Variants in PSD3 observed in about 807,000 individuals in gnomAD.
PSD3 encodes the protein PH and SEC7 domain-containing protein 3.
PSD3 carries 49 observed loss-of-function variants against 105.5 expected under a neutral mutation model. The ratio of observed to expected loss-of-function variants is 0.46; its 90% CI spans 0.37 to 0.59. PSD3 has a LOEUF of 0.59. PSD3 is among the 20% of genes least tolerant of loss of function. PSD3 has a pLI of 0.00. For missense variants in PSD3, 1,561 were observed against 1,263.8 expected (o/e 1.24, Z -3.57); for synonymous variants, 557 against 457.8 (o/e 1.22, Z -2.77).
intron 1 of PSD3, among the ~76,000 whole-genome samples, chr8:19,061,713 G>A (rs913017126): frequency 6.6e-6 from 1 of 151,816 alleles, no homozygotes; most frequent in African/African-American, 2.4e-5. Context: ...TCTGAGGCAG[G>A]AGAATCGCTT....
At chr8:18,672,674 T>G (rs1251503488) in intron 9 of PSD3, among the ~76,000 whole-genome samples, 1 of 152,198 alleles carries the variant, frequency 6.6e-6, no homozygotes, top group Non-Finnish European at 1.5e-5. Context: ...ATAAGTTGCA[T>G]GGACAATCTC....
At chr8:18,561,841 C>A (rs377203779) in intron 14 of PSD3, among the ~76,000 whole-genome samples, 2 of 152,250 alleles carry the variant, frequency 1.3e-5, no homozygotes, top group East Asian at 3.9e-4. Context: ...GGCAACTTGG[C>A]TGTTGAAGAT....
chr8:18,608,685 C>G (rs914293672), intron 11 of PSD3, among the ~76,000 whole-genome samples: 2 of 152,156 alleles, frequency 1.3e-5, no homozygotes, highest in East Asian at 3.9e-4. Context: ...ACAGTATCAC[C>G]CCTCTTTCAT....
intron 2 of PSD3, among the ~76,000 whole-genome samples, chr8:18,879,420 A>C (rs1817973836): frequency 6.6e-6 from 1 of 152,138 alleles, no homozygotes; most frequent in African/African-American, 2.4e-5. Flanking sequence ...GGGGGAGACA[A>C]ATGTTCTGAG....
At chr8:18,557,454 A>T (rs1801149520) in intron 14 of PSD3, 1 of 154,198 alleles carries the variant, frequency 6.5e-6, no homozygotes, top group South Asian at 2.0e-4. Flanking sequence ...TGAGCGTCAC[A>T]TATAATATCT....
chr8:18,830,231 C>G (rs1368029218), intron 4 of PSD3, among the ~76,000 whole-genome samples: 4 of 152,136 alleles, frequency 2.6e-5, no homozygotes, highest in African/African-American at 7.2e-5. Flanking sequence ...TGTGAGCCAC[C>G]GCACCCAGCC....
chr8:18,583,914 C>T (rs937366333), intron 12 of PSD3, among the ~76,000 whole-genome samples: 1 of 152,154 alleles, frequency 6.6e-6, no homozygotes, highest in Non-Finnish European at 1.5e-5. Context: ...CTTATATATG[C>T]ACTCATTATT....
chr8:18,904,497 T>G (rs925611077), intron 2 of PSD3, among the ~76,000 whole-genome samples: 9 of 152,234 alleles, frequency 5.9e-5, no homozygotes, highest in African/African-American at 2.2e-4. Context: ...CTTCAAGGTT[T>G]AATGTCTTCC....
In PSD3 at chr8:18,977,336, G is replaced by C. The variant is rs369650421; in HGVS notation, c.21+36227C>G. The stretch of plus-strand genomic sequence containing the variant: ...ATTTCCTACTAGCTGTATGGCTTTG[G>C]GAATTAAACACTTAGCCTCAGTATC... On this transcript the variant is annotated intron_variant, in intron 1 of 15. Coordinates refer to ENST00000327040, the MANE Select transcript of PSD3 (RefSeq NM_015310.4). Among the ~76,000 whole-genome samples, 9 of 151,992 alleles carry C rather than the reference G, an allele frequency of 5.9e-5. No homozygotes were observed. The East Asian group carries it at 1.7e-3, about 29-fold the overall frequency.
At position 18,752,515 on chromosome 8, in the gene PSD3, ATGTAATATATATAAT is replaced by A. The variant is rs1563225024; in HGVS notation, c.2172+12919_2172+12933del. On this transcript the variant is annotated intron_variant, in intron 9 of 15. Transcript: ENST00000327040. The stretch of plus-strand genomic sequence containing the variant: ...ATAATATATATAATATATATAATAT[ATGTAATATATATAAT>A]TATATATTATATATATTATATATAA... Among the ~76,000 whole-genome samples, 738 of 84,890 alleles carry A rather than the reference ATGTAATATATATAAT, an allele frequency of 8.7e-3. 21 individuals carry two copies. The highest frequency in any genetic ancestry group is 0.049 in the African/African-American group (687 of 14,128). 55.7% of individuals were successfully genotyped at this position (84,890 alleles called of 152,430 possible).
At position 18,872,520 on chromosome 8, in the gene PSD3, C is replaced by G. The variant is rs118013117; in HGVS notation, c.344G>C (p.Arg115Thr). Residue 115 changes from arginine to threonine, a missense_variant, in exon 3 of 16, where the codon AGA becomes ACA. Transcript: ENST00000327040. Reference protein sequence around the residue: ...DSVTEGPKDVREAPSQSHLKE... With the variant: ...DSVTEGPKDVTEAPSQSHLKE... ...GAGATGACTTTGAGAGGGGGCCTCT[C>G]TGACATCTTTTGGTCCTTCTGTAAC... The G allele has an allele frequency of 8.1e-6, 13 of 1,613,966 alleles. No individual in the cohort carries two copies. The Admixed American group carries it at 1.8e-4, about 23-fold the overall frequency.
At chr8:18,610,320 G>C (rs1378147020) in intron 11 of PSD3, among the ~76,000 whole-genome samples, 1 of 152,148 alleles carries the variant, frequency 6.6e-6, no homozygotes, top group Admixed American at 6.5e-5. Context: ...AACAATACCT[G>C]AGTCTTGGCC....
At chr8:18,557,489 T>C (rs535316365) in intron 14 of PSD3, 20 of 154,254 alleles carry the variant, frequency 1.3e-4, no homozygotes, top group African/African-American at 4.6e-4. Flanking sequence ...ATAATGTACA[T>C]CTTAAAAGCC....
intron 4 of PSD3, among the ~76,000 whole-genome samples, chr8:18,825,410 A>T (rs1253580429): frequency 6.6e-6 from 1 of 152,192 alleles, no homozygotes; most frequent in Non-Finnish European, 1.5e-5. Context: ...TCTGGGGTGC[A>T]ACCCGGTTTG....
chr8:18,752,552 A>AT (rs1563225333), intron 9 of PSD3, among the ~76,000 whole-genome samples: 7 of 9,558 alleles, frequency 7.3e-4, no homozygotes, highest in African/African-American at 1.9e-3. Flanking sequence ...TATATTATAT[A>AT]TAATTATATA....
rs1563291106 is a variant in PSD3 at position 18,531,221 on chromosome 8, T to C, written c.*4522A>G. On this transcript the variant is annotated 3_prime_UTR_variant, in exon 16 of 16. Coordinates refer to ENST00000327040, the MANE Select transcript of PSD3 (RefSeq NM_015310.4). ...AGAAAACCTACTGTATATACAATTA[T>C]GTAACTTGCAAAATTTTCCTGCTGT... The C allele has an allele frequency of 6.6e-6, 1 of 152,658 alleles. No individual in the cohort carries two copies. Among genetic ancestry groups the C allele is most frequent in the African/African-American group, 2.4e-5 (1 of 41,472 alleles). The allele number at this position is 152,658 out of a possible 1,614,324, so 9.5% of individuals were successfully genotyped here.
At chr8:18,593,306 G>A (rs1803749473) in intron 12 of PSD3, among the ~76,000 whole-genome samples, 1 of 152,172 alleles carries the variant, frequency 6.6e-6, no homozygotes, top group Non-Finnish European at 1.5e-5. Flanking sequence ...ATCAAAGAGT[G>A]GGTGAAGGAT....
intron 11 of PSD3, among the ~76,000 whole-genome samples, chr8:18,612,996 G>A (rs71510612): frequency 0.07 from 10,557 of 150,568 alleles, 477 homozygotes; most frequent in South Asian, 0.15. Context: ...TACATGGCTT[G>A]GGCTGAGGTT....
intron 9 of PSD3, among the ~76,000 whole-genome samples, chr8:18,684,400 C>T (rs1585612456): frequency 6.6e-6 from 1 of 152,134 alleles, no homozygotes; most frequent in Non-Finnish European, 1.5e-5. Context: ...AAATAAAAGT[C>T]TCAAGTAATC....
Sources: allele counts gnomAD v4.1 joint callset (sites outside exome capture counted in the v4.1 genomes callset), GRCh38; gene constraint gnomAD v4.1.1; transcripts MANE v1.5; gene names NCBI Gene and HGNC (gene_info 2026-07-23, HGNC 2026-07-21).